The following SPSB1 variants were observed in gnomAD, a reference collection of about 807,000 sequenced individuals.
SPSB1 encodes the protein splA/ryanodine receptor domain and SOCS box containing 1, also known as SPRY domain-containing SOCS box protein 1.
In SPSB1, 8 loss-of-function variants were observed where a neutral mutation model predicts 21.2. The ratio of observed to expected loss-of-function variants is 0.38; its 90% CI spans 0.22 to 0.68. SPSB1 has a LOEUF of 0.68. Among genes scored for constraint, SPSB1 ranks in the 30% least tolerant of loss-of-function variants. The pLI is 0.53. For missense variants in SPSB1, 242 were observed against 377.8 expected (o/e 0.64, Z 2.98); for synonymous variants, 169 against 161.7 (o/e 1.05, Z -0.34).
At position 9,293,501 on chromosome 1, in the gene SPSB1, C is replaced by T. The variant is rs1298049490; in HGVS notation, c.-150+430C>T. ...GCTCGGCTGAGTTAGTTTCGCTTTTCCCGCCAGTCCGAGTCGGGATTGGCG... is the reference window on the plus strand; with the variant it reads ...GCTCGGCTGAGTTAGTTTCGCTTTTTCCGCCAGTCCGAGTCGGGATTGGCG... On this transcript the variant is annotated intron_variant, in intron 1 of 2. Transcript: ENST00000328089. This position sits in a 1 kb window ranked among gnomAD's most constrained non-coding sequence, Gnocchi z 5.1. Among the ~76,000 whole-genome samples, 2 of 151,610 alleles carry T rather than the reference C, an allele frequency of 1.3e-5. No homozygotes were observed. Among genetic ancestry groups the T allele is most frequent in the African/African-American group, 4.8e-5 (2 of 41,302 alleles).
chr1:9,356,564 C>T lies in SPSB1; in HGVS notation c.673C>T (p.Arg225Cys), dbSNP rs373548222. ...AVWGHCEIRM[R>C]YLNGLDPEPL... ...CTGGGGCCACTGTGAGATCCGAATG[C>T]GCTACTTGAACGGACTCGATCGTAA... The change falls in exon 2 of 3, where the codon CGC becomes TGC. Residue 225 changes from arginine (R) to cysteine (C), a missense_variant. By Grantham distance (180) the Arg-to-Cys change is radical (BLOSUM62 -3). Transcript: ENST00000328089. The surrounding 1 kb of genome is among the most constrained non-coding windows in gnomAD (Gnocchi z 7.4). 7.6e-5 allele frequency: 122 copies of T among 1,598,680 alleles called. No homozygotes were observed. Among genetic ancestry groups the T allele is most frequent in the Non-Finnish European group, 9.2e-5 (108 of 1,168,616 alleles).
rs1286767845 is a variant in SPSB1 at position 9,305,066 on chromosome 1, C to T, written c.-150+11995C>T. 6.6e-6 allele frequency among the ~76,000 whole-genome samples: 1 copy of T among 152,130 alleles called. No homozygotes were observed. Among genetic ancestry groups the T allele is most frequent in the Non-Finnish European group, 1.5e-5 (1 of 67,998 alleles). On this transcript the variant is annotated intron_variant, in intron 1 of 2. Coordinates refer to ENST00000328089, the MANE Select transcript of SPSB1 (RefSeq NM_025106.4). This position sits in a 1 kb window ranked among gnomAD's most constrained non-coding sequence, Gnocchi z 4.8. ...GACCCATCTGGCATTGCCTTCCCTA[C>T]AGGGGCCTCTCCCACTTCTCCCTCT...
At chr1:9,349,459 G>T (rs141031530) in intron 1 of SPSB1, among the ~76,000 whole-genome samples, 62 of 152,370 alleles carry the variant, frequency 4.1e-4, no homozygotes, top group African/African-American at 1.4e-3. Context: ...AGCTCAACCA[G>T]AGAGGCCAAG....
chr1:9,325,163 C>T (rs971679626), intron 1 of SPSB1, among the ~76,000 whole-genome samples: 65 of 152,022 alleles, frequency 4.3e-4, no homozygotes, highest in African/African-American at 1.4e-3. Context: ...CCAGCCGGGG[C>T]GCTGGGCATC....
intron 1 of SPSB1, among the ~76,000 whole-genome samples, chr1:9,341,071 T>A (rs1569628167): frequency 6.6e-6 from 1 of 152,240 alleles, no homozygotes; most frequent in African/African-American, 2.4e-5. Flanking sequence ...TCAATGGATA[T>A]TGGGCCAATT....
intron 1 of SPSB1, among the ~76,000 whole-genome samples, chr1:9,309,702 G>A (rs562840405): frequency 5.2e-4 from 79 of 152,284 alleles, no homozygotes; most frequent in Admixed American, 2.2e-3. Context: ...AATTAGTCGG[G>A]GATGGTGGTG....
Position 9,356,770 on chromosome 1 carries a change from G to T in SPSB1, c.694+185G>T, listed in dbSNP as rs1290096816. On this transcript the variant is annotated intron_variant, in intron 2 of 2. Coordinates refer to ENST00000328089, the MANE Select transcript of SPSB1 (RefSeq NM_025106.4). This position sits in a 1 kb window ranked among gnomAD's most constrained non-coding sequence, Gnocchi z 7.4. ...GAGGAATTCTACCCAGAGTCAGCTA[G>T]ATTACCTAACGGTGCCTCATGAATG... is the stretch of plus-strand genomic sequence containing the variant. Among the ~76,000 whole-genome samples the T allele has an allele frequency of 6.6e-6, 1 of 152,218 alleles. No individual in the cohort carries two copies. Among genetic ancestry groups the T allele is most frequent in the Non-Finnish European group, 1.5e-5 (1 of 68,036 alleles).
rs927789797 is a variant in SPSB1, at chr1:9,363,005, G to T, written c.695-4443G>T. Among the ~76,000 whole-genome samples, 1 of 152,246 alleles carries T rather than the reference G, an allele frequency of 6.6e-6. No individual in the cohort carries two copies. Among genetic ancestry groups the T allele is most frequent in the Non-Finnish European group, 1.5e-5 (1 of 68,042 alleles). ...ATTTCAGCAGGCACCTGGGTTTGTG[G>T]CTGGAGCTGGGTGCAAAGCTGGCAG... On this transcript the variant is annotated intron_variant, in intron 2 of 2. Coordinates refer to ENST00000328089, the MANE Select transcript of SPSB1 (RefSeq NM_025106.4). This position sits in a 1 kb window ranked among gnomAD's most constrained non-coding sequence, Gnocchi z 4.5.
intron 2 of SPSB1, among the ~76,000 whole-genome samples, chr1:9,360,051 A>T (rs988405441): frequency 1.3e-5 from 2 of 152,124 alleles, no homozygotes; most frequent in African/African-American, 4.8e-5. Context: ...CGACACATCC[A>T]GGGGGCCCTG....
At chr1:9,364,175 C>T (rs2142574) in intron 2 of SPSB1, among the ~76,000 whole-genome samples, 53,330 of 152,128 alleles carry the variant, frequency 0.35, 10,653 homozygotes, top group African/African-American at 0.54. Context: ...CACTTTCCGG[C>T]GGGGGCTGAG....
intron 1 of SPSB1, among the ~76,000 whole-genome samples, chr1:9,349,278 G>A (rs796228916): frequency 7.9e-5 from 12 of 152,318 alleles, no homozygotes; most frequent in African/African-American, 2.9e-4. Flanking sequence ...GCTTCCCCGA[G>A]CCCAGCCCTC....
chr1:9,293,208 G>T lies in SPSB1; in HGVS notation c.-150+137G>T, dbSNP rs1639149206. On this transcript the variant is annotated intron_variant, in intron 1 of 2. Transcript: ENST00000328089. The surrounding 1 kb of genome is among the most constrained non-coding windows in gnomAD (Gnocchi z 5.1). ...AGTGGGTGGCGCGGGGCCGGGCGCG[G>T]GGGAGCGGGTGGAGTACGGGATGGG... 1 of 950,520 alleles carries T rather than the reference G, an allele frequency of 1.1e-6. No homozygotes were observed. The highest frequency in any genetic ancestry group is 6.3e-5 in the Admixed American group (1 of 15,942). The allele number at this position is 950,520 out of a possible 1,614,324, so 58.9% of individuals were successfully genotyped here. A position where few individuals can be genotyped will look rare whatever the true frequency, so the allele number is the denominator to read the frequency against.
At chr1:9,320,003 G>A (rs1457717854) in intron 1 of SPSB1, among the ~76,000 whole-genome samples, 1 of 152,102 alleles carries the variant, frequency 6.6e-6, no homozygotes, top group African/African-American at 2.4e-5. Context: ...GACTTCTCAG[G>A]GGTGGAGGGG....
At chr1:9,312,176 A>G (rs1273587327) in intron 1 of SPSB1, among the ~76,000 whole-genome samples, 1 of 150,328 alleles carries the variant, frequency 6.7e-6, no homozygotes, top group Non-Finnish European at 1.5e-5. Flanking sequence ...TTAATTTTTT[A>G]ATTTTTTTCG....
chr1:9,309,301 A>AGTGTGTGTGTGTGTGTGT (rs35952855), intron 1 of SPSB1, among the ~76,000 whole-genome samples: 2 of 133,134 alleles, frequency 1.5e-5, no homozygotes, highest in African/African-American at 6.0e-5. Flanking sequence ...AGAGAGAGAG[A>AGTGTGTGTGTGTGTGTGT]GTGTGTGTGT....
chr1:9,332,591 C>T (rs960419732), intron 1 of SPSB1, among the ~76,000 whole-genome samples: 4 of 152,084 alleles, frequency 2.6e-5, no homozygotes, highest in African/African-American at 7.2e-5. Flanking sequence ...AAGGATCCCA[C>T]GGAGGGAGGT....
Position 9,345,198 on chromosome 1 carries a change from C to T in SPSB1, c.-149-10545C>T, listed in dbSNP as rs577007072. ...TGGGCCCACCTGATCCACCCTGCCT[C>T]AAGCCCCCGTCTCCTGCCTTCTGGG... On this transcript the variant is annotated intron_variant, in intron 1 of 2. Coordinates refer to ENST00000328089, the MANE Select transcript of SPSB1 (RefSeq NM_025106.4). This position sits in a 1 kb window ranked among gnomAD's most constrained non-coding sequence, Gnocchi z 4.8. Among the ~76,000 whole-genome samples the T allele has an allele frequency of 6.6e-6, 1 of 152,306 alleles. No homozygotes were observed. Among genetic ancestry groups the T allele is most frequent in the Non-Finnish European group, 1.5e-5 (1 of 68,030 alleles).
intron 1 of SPSB1, among the ~76,000 whole-genome samples, chr1:9,338,031 C>T (rs1640031976): frequency 6.6e-6 from 1 of 152,216 alleles, no homozygotes; most frequent in African/African-American, 2.4e-5. Flanking sequence ...CCCACCTCCT[C>T]AGCTGGGGTG....
chr1:9,296,130 C>G (rs1459588682), intron 1 of SPSB1, among the ~76,000 whole-genome samples: 1 of 152,150 alleles, frequency 6.6e-6, no homozygotes, highest in Admixed American at 6.5e-5. Flanking sequence ...ATGGACGTGA[C>G]TTTGTTTGAA....
Sources: gnomAD v4.1 joint callset for allele counts (sites outside exome capture counted in the v4.1 genomes callset) on GRCh38, gnomAD v4.1.1 for gene constraint, Gnocchi (gnomAD v3.1) non-coding constraint, MANE v1.5 for transcripts, NCBI Gene and HGNC (gene_info 2026-07-23, HGNC 2026-07-21) for gene names.